The following OPLAH variants were observed in gnomAD, a reference collection of about 807,000 sequenced individuals.
OPLAH encodes the protein 5-oxoprolinase, ATP-hydrolysing.
In OPLAH, 103 loss-of-function variants were observed where a neutral mutation model predicts 122.8. The ratio of observed to expected loss-of-function variants is 0.84; its 90% CI spans 0.71 to 0.99. The LOEUF is 0.99. Among genes scored for constraint, OPLAH ranks in the 50% least tolerant of loss-of-function variants. The pLI is 0.00. For synonymous variants in OPLAH, 875 were observed against 796.0 expected (o/e 1.10, Z -1.67); for missense variants, 1,902 against 1,836.5 (o/e 1.04, Z -0.65).
chr8:144,050,871 CT>C, downstream of OPLAH: 1 of 994,054 alleles, frequency 1.0e-6, no homozygotes, highest in Non-Finnish European at 1.2e-6. Flanking sequence ...GAGTTGCGAC[CT>C]GGATGTAGGC....
In OPLAH at chr8:144,057,874, G is replaced by A. The variant is rs371051179; in HGVS notation, c.1138C>T (p.Pro380Ser). ...GPESAGAHPG[P>S]ACYRKGGPVT... ...CTCTTACCTTTGCGGTAGCAGGCGGGTCCTGGGTGGGCTCCTGCTGACTCG... is the reference window on the plus strand; with the variant it reads ...CTCTTACCTTTGCGGTAGCAGGCGGATCCTGGGTGGGCTCCTGCTGACTCG... Residue 380 changes from proline (P) to serine (S), a missense_variant, in exon 9 of 27, where the codon CCC becomes TCC. Pro to Ser is a moderately conservative substitution (Grantham distance 74, BLOSUM62 -1). This residue lies in a region of OPLAH where 1,726 missense variants were observed against 1,642.1 expected (regional missense o/e 1.05). Coordinates refer to ENST00000618853, the MANE Select transcript of OPLAH (RefSeq NM_017570.5). 9 of 1,611,980 alleles carry A rather than the reference G, an allele frequency of 5.6e-6. No individual in the cohort carries two copies. The highest frequency in any genetic ancestry group is 2.2e-5 in the East Asian group (1 of 44,862).
Position 144,057,716 on chromosome 8 carries a change from G to C in OPLAH, c.1157-3C>G. ...ATCCGTCACTGTCACAGGGCCCCCT[G>C]GGAGGTGGACAGGGTGTGGGGCTTG... On this transcript the variant is annotated splice_region_variant and splice_polypyrimidine_tract_variant and intron_variant, in intron 9 of 26. Transcript: ENST00000618853. 1 of 1,609,778 alleles carries C rather than the reference G, an allele frequency of 6.2e-7. No homozygotes were observed. Among genetic ancestry groups the C allele is most frequent in the Non-Finnish European group, 8.5e-7 (1 of 1,178,164 alleles).
rs781991509 is a variant in OPLAH, at chr8:144,051,293, C to A, written c.*33G>T. The A allele has an allele frequency of 6.2e-7, 1 of 1,608,612 alleles. No homozygotes were observed. The highest frequency in any genetic ancestry group is 1.1e-5 in the South Asian group (1 of 90,876). Reference sequence around the variant, plus strand: ...GGCGCCGTAGCTGCGTCCCCAGAACCGGGAGACTTAAGGCATCTTTATTGC... The same window carrying A: ...GGCGCCGTAGCTGCGTCCCCAGAACAGGGAGACTTAAGGCATCTTTATTGC... On this transcript the variant is annotated 3_prime_UTR_variant, in exon 27 of 27. Coordinates refer to ENST00000618853, the MANE Select transcript of OPLAH (RefSeq NM_017570.5).
chr8:144,058,648 G>C lies in OPLAH; in HGVS notation c.631C>G (p.Leu211Val). 1 of 1,600,472 alleles carries C rather than the reference G, an allele frequency of 6.2e-7. No individual in the cohort carries two copies. Among genetic ancestry groups the C allele is most frequent in the Non-Finnish European group, 8.5e-7 (1 of 1,177,086 alleles). ...GACAGTGACACGTGCGTGAAGCCCA[G>C]CTCCCGGGCCAGCACACCCACCTGC... ...EQQVGVLARE[L>V]GFTHVSLSSE... The change falls in exon 6 of 27, where the codon CTG (leucine) becomes GTG (valine). Residue 211 changes from leucine (L) to valine (V), a missense_variant. This residue lies in a region of OPLAH where 1,726 missense variants were observed against 1,642.1 expected (regional missense o/e 1.05). Coordinates refer to ENST00000618853, the MANE Select transcript of OPLAH (RefSeq NM_017570.5).
At chr8:144,057,155 T>TCCCAAGC in intron 11 of OPLAH, 37 bp from the exon 12 acceptor site, 3 of 1,595,492 alleles carry the variant, frequency 1.9e-6, no homozygotes, top group Non-Finnish European at 2.6e-6. Context: ...GGAGGTCACC[T>TCCCAAGC]CCCAAGCCCG....
upstream of OPLAH, chr8:144,063,613 C>T (rs1380568347): frequency 1.3e-5 from 2 of 152,820 alleles, no homozygotes; most frequent in Non-Finnish European, 2.9e-5. This position sits in a 1 kb window ranked among gnomAD's most constrained non-coding sequence, Gnocchi z 4.2. Context: ...GGAAGAGCCC[C>T]AGGGCCCTGG....
chr8:144,052,089 G>A lies in OPLAH; in HGVS notation c.3462-13C>T. On this transcript the variant is annotated splice_polypyrimidine_tract_variant and intron_variant, in intron 24 of 26. Coordinates refer to ENST00000618853, the MANE Select transcript of OPLAH (RefSeq NM_017570.5). ...GATGACCGGGTACCTGCGAGGGCGA[G>A]GACGAGGGCAAAGACTCAGCGTGGC... 2.5e-6 allele frequency: 4 copies of A among 1,575,814 alleles called. No homozygotes were observed. The highest frequency in any genetic ancestry group is 1.4e-5 in the African/African-American group (1 of 73,456).
Position 144,058,404 on chromosome 8 carries a change from C to G in OPLAH, c.784G>C (p.Asp262His). Residue 262 changes from aspartate to histidine, a missense_variant and splice_region_variant, in exon 7 of 27, where the codon GAT becomes CAT. Coordinates refer to ENST00000618853, the MANE Select transcript of OPLAH (RefSeq NM_017570.5). ...FCRGFQGQLK[D>H]VQVLFMRSDG... ...GAGCGCATGAACAACACCTGCACAT[C>G]CTGCGAGCGGGCAGCAGGCGGGCCA... 6.3e-7 allele frequency: 1 copy of G among 1,588,522 alleles called. No homozygotes were observed. Among genetic ancestry groups the G allele is most frequent in the Non-Finnish European group, 8.5e-7 (1 of 1,171,510 alleles).
In OPLAH at chr8:144,056,511, C is replaced by G; in HGVS notation, c.1857G>C (p.Glu619Asp). The stretch of plus-strand genomic sequence containing the variant: ...GCCGCTCAGGTATGACAAAGCCAAA[C>G]TCCCTCATGTACCTGCACTCCCCGC... Reference protein sequence around the residue: ...GAAFVERYMREFGFVIPERPV... With the variant: ...GAAFVERYMRDFGFVIPERPV... Residue 619 changes from glutamate (E) to aspartate (D), a missense_variant, in exon 14 of 27, where the codon GAG (glutamate) becomes GAC (aspartate). Transcript: ENST00000618853. The G allele has an allele frequency of 6.2e-7, 1 of 1,611,824 alleles. No homozygotes were observed. Among genetic ancestry groups the G allele is most frequent in the Admixed American group, 1.7e-5 (1 of 59,976 alleles).
In OPLAH at chr8:144,052,180, G is replaced by A. The variant is rs1835396429; in HGVS notation, c.3450C>T (p.Ile1150=). The change falls in exon 24 of 27, where the codon ATC becomes ATT. Residue 1150 remains isoleucine (I), a synonymous_variant. Transcript: ENST00000618853. Reference sequence around the variant, plus strand: ...CGCACGCCGCTCACCGGCTCTCCAGGATCTCAGGGTCGGTGATGCGTGTGT... The same window carrying A: ...CGCACGCCGCTCACCGGCTCTCCAGAATCTCAGGGTCGGTGATGCGTGTGT... ...MTNTRITDPE[I]LESRYPVILR... 1.9e-6 allele frequency: 3 copies of A among 1,574,270 alleles called. No individual in the cohort carries two copies. Among genetic ancestry groups the A allele is most frequent in the East Asian group, 2.3e-5 (1 of 43,624 alleles).
intron 21 of OPLAH, 35 bp from the exon 22 acceptor site, chr8:144,052,935 G>GGCC: frequency 1.3e-6 from 2 of 1,568,774 alleles, no homozygotes; most frequent in Non-Finnish European, 1.7e-6. Flanking sequence ...GGCTGTCAGC[G>GGCC]GCCGCACCGT....
chr8:144,052,425 G>A, intron 23 of OPLAH, 24 bp downstream of exon 23: 1 of 1,531,318 alleles, frequency 6.5e-7, no homozygotes, highest in Non-Finnish European at 8.7e-7. Flanking sequence ...CCGCCCCCGA[G>A]CTGCGCCCAC....
At position 144,058,328 on chromosome 8, in the gene OPLAH, A is replaced by T. The variant is rs1415013820; in HGVS notation, c.860T>A (p.Leu287His). The change falls in exon 7 of 27, where the codon CTC becomes CAC. Residue 287 changes from leucine to histidine, a missense_variant. Leu to His is a moderately conservative substitution (Grantham distance 99). Around this residue, in one of 3 missense-constraint regions of OPLAH, gnomAD observed 1,726 missense variants for 1,642.1 expected, o/e 1.05. Transcript: ENST00000618853. ...CACCACGCCGCCGGCCGGGCCCGAG[A>T]GCACAGCACTGGAGCCGCTGAAGGT... Reference protein sequence around the residue: ...MDTFSGSSAVLSGPAGGVVGY... With the variant: ...MDTFSGSSAVHSGPAGGVVGY... 19 of 1,601,228 alleles carry T rather than the reference A, an allele frequency of 1.2e-5. No individual in the cohort carries two copies. The highest frequency in any genetic ancestry group is 1.6e-5 in the Non-Finnish European group (19 of 1,176,124).
At position 144,054,748 on chromosome 8, in the gene OPLAH, G is replaced by C. The variant is rs782609142; in HGVS notation, c.2512-13C>G. On this transcript the variant is annotated splice_polypyrimidine_tract_variant and intron_variant, in intron 18 of 26. Coordinates refer to ENST00000618853, the MANE Select transcript of OPLAH (RefSeq NM_017570.5). ...CCGGCCAAAACACCTAGCGGGTGGA[G>C]AGCCACGGTCAGCTGCATCGGCCAC... 2 of 1,612,128 alleles carry C rather than the reference G, an allele frequency of 1.2e-6. No individual in the cohort carries two copies. Among genetic ancestry groups the C allele is most frequent in the Admixed American group, 1.7e-5 (1 of 59,988 alleles).
rs1835369825 is a variant in OPLAH, at chr8:144,051,381, G to C, written c.3812C>G (p.Ala1271Gly). Residue 1271 changes from alanine (A) to glycine (G), a missense_variant, in exon 27 of 27, where the codon GCC (alanine) becomes GGC (glycine). Physicochemically the swap from Ala to Gly is moderately conservative, Grantham distance 60 (BLOSUM62 0). Transcript: ENST00000618853. Reference protein sequence around the residue: ...PPPGSPPQALAFPEHGSVYEY... With the variant: ...PPPGSPPQALGFPEHGSVYEY... ...ATAGACGCTGCCGTGCTCGGGAAAG[G>C]CCAGTGCTTGCGGGGGCGACCCCGG... is the stretch of plus-strand genomic sequence containing the variant. 6.2e-7 allele frequency: 1 copy of C among 1,607,066 alleles called. No individual in the cohort carries two copies.
chr8:144,059,593 G>A lies in OPLAH; in HGVS notation c.363+6C>T. The A allele has an allele frequency of 6.3e-7, 1 of 1,599,504 alleles. No homozygotes were observed. The highest frequency in any genetic ancestry group is 8.5e-7 in the Non-Finnish European group (1 of 1,170,778). On this transcript the variant is annotated splice_donor_region_variant and intron_variant, in intron 3 of 26. Coordinates refer to ENST00000618853, the MANE Select transcript of OPLAH (RefSeq NM_017570.5). Reference sequence around the variant, plus strand: ...CAGCCTGGTCCCCAGCCAACATGGAGCTCACCAGGTCAAAGAGGTCCCCAC... The same window carrying A: ...CAGCCTGGTCCCCAGCCAACATGGAACTCACCAGGTCAAAGAGGTCCCCAC...
downstream of OPLAH, chr8:144,050,604 C>T: frequency 1.0e-6 from 1 of 985,652 alleles, no homozygotes; most frequent in Non-Finnish European, 1.2e-6. Context: ...GCTGGGCACG[C>T]GCCAAAAGCA....
chr8:144,058,142 G>A lies in OPLAH; in HGVS notation c.956C>T (p.Ser319Phe). 7.4e-6 allele frequency: 12 copies of A among 1,612,404 alleles called. No homozygotes were observed. The highest frequency in any genetic ancestry group is 1.0e-5 in the Non-Finnish European group (12 of 1,179,780). ...PVIGFDMGGT[S>F]TDVSRYAGEF... ...CCCAGCATAGCGGCTCACATCCGTG[G>A]ACGTGCCTGGCAGGGGTGGGGTGCT... The change falls in exon 8 of 27, where the codon TCC (serine) becomes TTC (phenylalanine). Residue 319 changes from serine to phenylalanine, a missense_variant. Physicochemically the swap from Ser to Phe is radical, Grantham distance 155. Transcript: ENST00000618853.
chr8:144,051,692 G>C (rs970625493), intron 26 of OPLAH, 37 bp downstream of exon 26: 15 of 1,488,778 alleles, frequency 1.0e-5, no homozygotes, highest in African/African-American at 4.2e-5. Flanking sequence ...GGGAGGGGAG[G>C]GGAGGGGAGG....
Sources: gnomAD v4.1 joint callset for allele counts on GRCh38, gnomAD v4.1.1 for gene constraint, gnomAD v4.1.1 regional missense constraint, Gnocchi (gnomAD v3.1) non-coding constraint, MANE v1.5 for transcripts, NCBI Gene and HGNC (gene_info 2026-07-23, HGNC 2026-07-21) for gene names.